Variants in CPAMD8 observed in about 807,000 individuals in gnomAD.
CPAMD8 encodes the protein C3 and PZP like alpha-2-macroglobulin domain containing 8, also known as C3 and PZP-like alpha-2-macroglobulin domain-containing protein 8.
A neutral mutation model predicts 224.7 loss-of-function variants in CPAMD8; 146 were observed. That is an observed-to-expected ratio of 0.65 (90% confidence interval 0.57 to 0.75). The LOEUF (loss-of-function observed/expected upper bound fraction) is 0.75, where lower values mean the gene tolerates loss of function less well. Ranked by LOEUF, CPAMD8 falls within the 30% of genes least tolerant of loss-of-function variation. The probability of loss-of-function intolerance (pLI) is 0.00; values close to 1 mark genes in which losing one functional copy is unlikely to be tolerated. For synonymous variants in CPAMD8, 966 were observed against 1,044.6 expected (o/e 0.92, Z 1.45); for missense variants, 2,301 against 2,537.5 (o/e 0.91, Z 2.00).
At chr19:17,024,450 C>T (rs1266324214) in intron 1 of CPAMD8, among the ~76,000 whole-genome samples, 3 of 152,334 alleles carry the variant, frequency 2.0e-5, no homozygotes, top group South Asian at 4.1e-4. Flanking sequence ...TGGAATGTGG[C>T]ATCCTTTAAA....
chr19:16,975,337 C>T lies in CPAMD8; in HGVS notation c.1909-79G>A, dbSNP rs529448061. The T allele has an allele frequency of 9.6e-6, 11 of 1,146,890 alleles. No individual in the cohort carries two copies. The South Asian group carries it at 1.2e-4, about 13-fold the overall frequency. The allele number at this position is 1,146,890 out of a possible 1,614,324, so 71.0% of individuals were successfully genotyped here. A position where few individuals can be genotyped will look rare whatever the true frequency, so the allele number is the denominator to read the frequency against. ...AACTGGCTCCCGTGGGTGTGGCATG[C>T]TCCCATCCCAACCTCTTTATCACGT... On this transcript the variant is annotated intron_variant, in intron 16 of 41. Transcript: ENST00000443236.
chr19:16,998,363 G>C (rs1001340649), intron 10 of CPAMD8, among the ~76,000 whole-genome samples: 7 of 152,192 alleles, frequency 4.6e-5, no homozygotes, highest in African/African-American at 1.7e-4. Flanking sequence ...GGGAGGCTGA[G>C]GCAGGAGAAT....
intron 41 of CPAMD8, chr19:16,894,344 CA>C (rs773145322): frequency 4.4e-6 from 2 of 450,158 alleles, no homozygotes; most frequent in South Asian, 3.1e-5. Flanking sequence ...GCCCACCCAC[CA>C]TACAGAGTCA....
chr19:16,961,065 A>C (rs1422790924), intron 18 of CPAMD8, among the ~76,000 whole-genome samples: 1 of 152,094 alleles, frequency 6.6e-6, no homozygotes, highest in Non-Finnish European at 1.5e-5. Context: ...GCCAAATAGG[A>C]ACAGCTCCAG....
rs367743464 is a variant in CPAMD8, at chr19:16,901,225, G to C, written c.4758C>G (p.Ile1586Met). 1.9e-6 allele frequency: 3 copies of C among 1,610,718 alleles called. No homozygotes were observed. The highest frequency in any genetic ancestry group is 2.5e-6 in the Non-Finnish European group (3 of 1,178,760). The change falls in exon 36 of 42, where the codon ATC (isoleucine) becomes ATG (methionine). Residue 1586 changes from isoleucine (I) to methionine (M), a missense_variant. Transcript: ENST00000443236. ...VPLLSGFRAD[I>M]ESLEQLLLDK... ...GCTGCCTCACCTGCTCCAGGCTCTC[G>C]ATGTCTGCCCGGAAGCCTGACAGCA...
At chr19:16,986,090 T>C (rs2055709368) in intron 13 of CPAMD8, among the ~76,000 whole-genome samples, 1 of 151,948 alleles carries the variant, frequency 6.6e-6, no homozygotes, top group Admixed American at 6.6e-5. Flanking sequence ...CCTTAAAAGA[T>C]TGGAGTGAGC....
At chr19:16,897,836 G>A in intron 38 of CPAMD8, 35 bp from the exon 39 acceptor site, 1 of 1,574,444 alleles carries the variant, frequency 6.4e-7, no homozygotes, top group East Asian at 2.3e-5. Context: ...CCAAGTGCAG[G>A]CGCGACGGGT....
At chr19:16,947,614 C>T (rs2054149575) in intron 20 of CPAMD8, among the ~76,000 whole-genome samples, 1 of 152,220 alleles carries the variant, frequency 6.6e-6, no homozygotes, top group African/African-American at 2.4e-5. Context: ...AGTGCCTCTC[C>T]TGACCCTCTT....
At chr19:16,931,106 C>T (rs1025362625) in intron 23 of CPAMD8, among the ~76,000 whole-genome samples, 2 of 152,236 alleles carry the variant, frequency 1.3e-5, no homozygotes, top group African/African-American at 4.8e-5. Context: ...CTGCATATGG[C>T]TGCTGTCACT....
At chr19:16,930,757 G>C (rs1016807311) in intron 23 of CPAMD8, among the ~76,000 whole-genome samples, 1 of 152,060 alleles carries the variant, frequency 6.6e-6, no homozygotes, top group Non-Finnish European at 1.5e-5. Context: ...GCTAAGGCTG[G>C]GTCTCACACA....
At position 16,922,043 on chromosome 19, in the gene CPAMD8, C is replaced by T. The variant is rs187343752; in HGVS notation, c.3548-57G>A. The stretch of plus-strand genomic sequence containing the variant: ...TTGAGTGGCCTGGCCCAGGCCCGCC[C>T]CCAGGGACCTACACCACTCTGCCGT... On this transcript the variant is annotated intron_variant, in intron 26 of 41. Coordinates refer to ENST00000443236, the MANE Select transcript of CPAMD8 (RefSeq NM_015692.5). 3.5e-5 allele frequency: 43 copies of T among 1,224,650 alleles called. No homozygotes were observed. In the East Asian group the frequency reaches 1.0e-3, roughly 30 times the overall value. 75.9% of individuals were successfully genotyped at this position (1,224,650 alleles called of 1,614,324 possible). A position where few individuals can be genotyped will look rare whatever the true frequency, so the allele number is the denominator to read the frequency against.
intron 10 of CPAMD8, among the ~76,000 whole-genome samples, chr19:16,998,837 A>G (rs2056217628): frequency 6.6e-6 from 1 of 152,186 alleles, no homozygotes; most frequent in South Asian, 2.1e-4. Context: ...GAAAGAACCC[A>G]AGAGAAACAA....
intron 30 of CPAMD8, among the ~76,000 whole-genome samples, chr19:16,905,151 G>A (rs1318869907): frequency 6.6e-6 from 1 of 152,108 alleles, no homozygotes; most frequent in Non-Finnish European, 1.5e-5. Context: ...TGAGGCAGGA[G>A]AATTGCTTGA....
chr19:16,896,484 C>T lies in CPAMD8; in HGVS notation c.5247G>A (p.Glu1749=). 1 of 1,434,836 alleles carries T rather than the reference C, an allele frequency of 7.0e-7. No homozygotes were observed. Among genetic ancestry groups the T allele is most frequent in the Middle Eastern group, 2.5e-4 (1 of 4,062 alleles). 88.9% of individuals were successfully genotyped at this position (1,434,836 alleles called of 1,614,324 possible). A position where few individuals can be genotyped will look rare whatever the true frequency, so the allele number is the denominator to read the frequency against. ...EAACRQAAPL[E]PAPPSCCALE... is the part of the protein sequence containing the mutation. Reference sequence around the variant, plus strand: ...GGGCGCAGCAGCTGGGAGGCGCGGGCTCCAGGGGCGCGGCCTGGCGGCAGG... The same window carrying T: ...GGGCGCAGCAGCTGGGAGGCGCGGGTTCCAGGGGCGCGGCCTGGCGGCAGG... The change falls in exon 40 of 42, where the codon GAG becomes GAA. Residue 1749 remains glutamate, a synonymous_variant. Coordinates refer to ENST00000443236, the MANE Select transcript of CPAMD8 (RefSeq NM_015692.5).
intron 14 of CPAMD8, among the ~76,000 whole-genome samples, chr19:16,978,614 A>G (rs1414413140): frequency 2.0e-5 from 3 of 152,152 alleles, no homozygotes; most frequent in South Asian, 4.1e-4. Context: ...AGGGGATGCT[A>G]CTGGCTTCCG....
rs1431960763 is a variant in CPAMD8, at chr19:16,893,120, G to C, written c.5646C>G (p.Cys1882Trp). 8 of 1,413,024 alleles carry C rather than the reference G, an allele frequency of 5.7e-6. No individual in the cohort carries two copies. The highest frequency in any genetic ancestry group is 8.0e-6 in the Non-Finnish European group (8 of 998,388). 87.5% of individuals were successfully genotyped at this position (1,413,024 alleles called of 1,614,324 possible). A position where few individuals can be genotyped will look rare whatever the true frequency, so the allele number is the denominator to read the frequency against. ...TGTGGTTGTAGGATTATCTCAAGGTGCAGGTGTTTGACATCCATAAACCCT... is the reference window on the plus strand; with the variant it reads ...TGTGGTTGTAGGATTATCTCAAGGTCCAGGTGTTTGACATCCATAAACCCT... ...GEEGLWMSNT[C>W]TLR Residue 1882 changes from cysteine to tryptophan, a missense_variant, in exon 42 of 42, where the codon TGC becomes TGG. This residue lies in a region of CPAMD8 where 1,709 missense variants were observed against 1,753.2 expected (regional missense o/e 0.97). Transcript: ENST00000443236.
chr19:16,900,366 G>C (rs929844122), intron 36 of CPAMD8, among the ~76,000 whole-genome samples: 2 of 152,138 alleles, frequency 1.3e-5, no homozygotes, highest in African/African-American at 4.8e-5. Flanking sequence ...GGAAGGCTGA[G>C]GTGGGCTGAT....
Position 16,925,204 on chromosome 19 carries a change from A to C in CPAMD8, c.3539T>G (p.Leu1180Arg), listed in dbSNP as rs562790019. The C allele has an allele frequency of 6.2e-7, 1 of 1,614,040 alleles. No individual in the cohort carries two copies. Among genetic ancestry groups the C allele is most frequent in the Middle Eastern group, 1.7e-4 (1 of 6,056 alleles). Reference protein sequence around the residue: ...PEVERETTDYLVQGYQRQLTY... With the variant: ...PEVERETTDYRVQGYQRQLTY... ...CACTTCTTCCCCAATACCTTGTACT[A>C]GGTAGTCGGTGGTCTCTCTCTCCAC... The change falls in exon 26 of 42, where the codon CTA becomes CGA. Residue 1180 changes from leucine to arginine, a missense_variant. Physicochemically the swap from Leu to Arg is moderately radical, Grantham distance 102. This residue lies in a region of CPAMD8 where 1,709 missense variants were observed against 1,753.2 expected (regional missense o/e 0.97). Transcript: ENST00000443236.
chr19:16,903,393 T>G (rs536314463), intron 34 of CPAMD8, among the ~76,000 whole-genome samples, 168 bp downstream of exon 34: 1 of 152,074 alleles, frequency 6.6e-6, no homozygotes, highest in Non-Finnish European at 1.5e-5. Context: ...AGAGGACCCA[T>G]GGCCACCTGC....
Sources: gnomAD v4.1 joint callset for allele counts (sites outside exome capture counted in the v4.1 genomes callset) on GRCh38, gnomAD v4.1.1 for gene constraint, gnomAD v4.1.1 regional missense constraint, MANE v1.5 for transcripts, NCBI Gene and HGNC (gene_info 2026-07-23, HGNC 2026-07-21) for gene names.